Variants in LRRC4C observed in about 807,000 individuals in gnomAD.
LRRC4C encodes the protein leucine-rich repeat-containing protein 4C.
In LRRC4C, 5 loss-of-function variants were observed where a neutral mutation model predicts 33.6. The ratio of observed to expected loss-of-function variants is 0.15; its 90% CI spans 0.08 to 0.31. The LOEUF is 0.31. Among genes scored for constraint, LRRC4C ranks in the 10% least tolerant of loss-of-function variants. The probability of loss-of-function intolerance (pLI) is 1.00; values close to 1 mark genes in which losing one functional copy is unlikely to be tolerated. For synonymous variants in LRRC4C, 329 were observed against 302.0 expected (o/e 1.09, Z -0.93); for missense variants, 560 against 796.7 (o/e 0.70, Z 3.58).
intron 2 of LRRC4C, among the ~76,000 whole-genome samples, chr11:40,926,831 A>G (rs1029926165): frequency 5.3e-5 from 8 of 152,186 alleles, no homozygotes; most frequent in African/African-American, 1.9e-4. Flanking sequence ...AATATTTTCA[A>G]TAAAATGTTG....
At chr11:41,186,944 A>G (rs1427557363) in intron 1 of LRRC4C, among the ~76,000 whole-genome samples, 1 of 152,214 alleles carries the variant, frequency 6.6e-6, no homozygotes, top group African/African-American at 2.4e-5. Flanking sequence ...CTGATAAATC[A>G]AACAGATAAT....
chr11:41,153,775 A>T (rs533453689), intron 1 of LRRC4C, among the ~76,000 whole-genome samples: 14 of 152,296 alleles, frequency 9.2e-5, no homozygotes, highest in African/African-American at 3.1e-4. Flanking sequence ...CTAGGTTCTA[A>T]TCCTTGGAAC....
At chr11:40,978,021 G>C (rs375567262) in intron 1 of LRRC4C, among the ~76,000 whole-genome samples, 1 of 152,124 alleles carries the variant, frequency 6.6e-6, no homozygotes, top group African/African-American at 2.4e-5. Context: ...TTCTTCTTCT[G>C]ACAATGTATC....
At chr11:40,805,977 C>G (rs1006862094) in intron 2 of LRRC4C, among the ~76,000 whole-genome samples, 1 of 152,158 alleles carries the variant, frequency 6.6e-6, no homozygotes, top group African/African-American at 2.4e-5. Context: ...CTGGGAAAAT[C>G]AGTGTCCTAC....
At chr11:40,307,568 C>A (rs1046771480) in intron 4 of LRRC4C, among the ~76,000 whole-genome samples, 5 of 152,168 alleles carry the variant, frequency 3.3e-5, no homozygotes, top group Non-Finnish European at 7.3e-5. Context: ...TGTTCAATCA[C>A]GACCTTTGCC....
At chr11:40,875,685 C>T (rs1954849845) in intron 2 of LRRC4C, among the ~76,000 whole-genome samples, 2 of 152,100 alleles carry the variant, frequency 1.3e-5, no homozygotes, top group African/African-American at 4.8e-5. Flanking sequence ...TATTTAATCC[C>T]TTAACTCAGC....
intron 1 of LRRC4C, among the ~76,000 whole-genome samples, chr11:40,996,398 G>A (rs1031385541): frequency 1.3e-5 from 2 of 152,054 alleles, no homozygotes; most frequent in African/African-American, 4.8e-5. Context: ...AATTGTCAAG[G>A]TTTTAGAAAT....
chr11:41,076,786 A>T (rs1939183688), intron 1 of LRRC4C, among the ~76,000 whole-genome samples: 1 of 152,168 alleles, frequency 6.6e-6, no homozygotes, highest in Non-Finnish European at 1.5e-5. Context: ...TTATTCTGGT[A>T]TTAACTCAAA....
chr11:41,093,927 CAAAA>C (rs56173087), intron 1 of LRRC4C, among the ~76,000 whole-genome samples: 3 of 58,994 alleles, frequency 5.1e-5, no homozygotes, highest in African/African-American at 6.7e-5. Context: ...CCGTCTCCAC[CAAAA>C]AAAAAAAAAA....
intron 2 of LRRC4C, among the ~76,000 whole-genome samples, chr11:40,683,404 T>C (rs546012610): frequency 6.6e-6 from 1 of 152,300 alleles, no homozygotes; most frequent in Non-Finnish European, 1.5e-5. Context: ...CATATTATAA[T>C]CTTAAGAACA....
chr11:41,051,124 TA>T lies in LRRC4C; in HGVS notation c.-495-117402del, dbSNP rs887685713. 8.7e-4 allele frequency among the ~76,000 whole-genome samples: 133 copies of T among 152,298 alleles called. 1 individual carries two copies. Among genetic ancestry groups the T allele is most frequent in the African/African-American group, 3.2e-3 (132 of 41,564 alleles). The stretch of plus-strand genomic sequence containing the variant: ...GCATGATATTATGGATTCTGAAGTT[TA>T]AGACCCTGGTTTCACAAGTTTGTAA... On this transcript the variant is annotated intron_variant, in intron 1 of 6. Coordinates refer to ENST00000528697, the MANE Select transcript of LRRC4C (RefSeq NM_001258419.2).
At chr11:40,664,782 A>G (rs1943628278) in intron 2 of LRRC4C, among the ~76,000 whole-genome samples, 1 of 152,026 alleles carries the variant, frequency 6.6e-6, no homozygotes, top group Admixed American at 6.6e-5. Flanking sequence ...ATATATATAG[A>G]TATTTATTAT....
At chr11:40,303,344 A>G (rs1412036097) in intron 4 of LRRC4C, among the ~76,000 whole-genome samples, 1 of 152,086 alleles carries the variant, frequency 6.6e-6, no homozygotes, top group Admixed American at 6.6e-5. Context: ...TTCTATTTGG[A>G]GGCCATGCAT....
intron 1 of LRRC4C, among the ~76,000 whole-genome samples, chr11:41,441,187 A>C (rs896699284): frequency 1.3e-5 from 2 of 152,186 alleles, no homozygotes; most frequent in Non-Finnish European, 2.9e-5. Context: ...TGAATATGCT[A>C]AGGGAATCTG....
At chr11:40,364,211 T>C (rs185094265) in intron 3 of LRRC4C, among the ~76,000 whole-genome samples, 5 of 152,068 alleles carry the variant, frequency 3.3e-5, no homozygotes, top group African/African-American at 9.6e-5. Flanking sequence ...AATTATCAGG[T>C]ATGCAAAGAA....
Position 40,153,832 on chromosome 11 carries a change from T to G in LRRC4C, c.-95-12979A>C, listed in dbSNP as rs374781881. Among the ~76,000 whole-genome samples, 18 of 152,284 alleles carry G rather than the reference T, an allele frequency of 1.2e-4. No homozygotes were observed. The East Asian group carries it at 1.4e-3, about 11-fold the overall frequency. On this transcript the variant is annotated intron_variant, in intron 5 of 6. Transcript: ENST00000528697. ...AAAACCTAAGAATAATCAGTGTTCC[T>G]GAGGAAGAAGAGAATTCTAAAAGCT...
At chr11:40,199,323 G>A (rs574937399) in intron 5 of LRRC4C, among the ~76,000 whole-genome samples, 6 of 152,234 alleles carry the variant, frequency 3.9e-5, no homozygotes, top group African/African-American at 9.6e-5. Flanking sequence ...CACCCATGTC[G>A]GTATCCCAGA....
chr11:40,400,820 T>C (rs188388539), intron 3 of LRRC4C, among the ~76,000 whole-genome samples: 6 of 152,266 alleles, frequency 3.9e-5, no homozygotes, highest in Admixed American at 6.6e-5. Context: ...CTCAAATCTA[T>C]AGTGATTTCA....
intron 2 of LRRC4C, among the ~76,000 whole-genome samples, chr11:40,794,588 G>C (rs1950752917): frequency 6.6e-6 from 1 of 152,124 alleles, no homozygotes; most frequent in African/African-American, 2.4e-5. Context: ...GTTTCCGTCT[G>C]TTGAACTAGG....
Sources: allele counts gnomAD v4.1 joint callset (sites outside exome capture counted in the v4.1 genomes callset), GRCh38; gene constraint gnomAD v4.1.1; transcripts MANE v1.5; gene names NCBI Gene and HGNC (gene_info 2026-07-23, HGNC 2026-07-21).